DNAH14: variants seen among roughly 807,000 people sequenced by gnomAD.
DNAH14 encodes the protein dynein axonemal heavy chain 14, also known as axonemal beta dynein heavy chain 14.
A neutral mutation model predicts 520.9 loss-of-function variants in DNAH14; 478 were observed. The ratio of observed to expected loss-of-function variants is 0.92; its 90% CI spans 0.85 to 0.99. The LOEUF (loss-of-function observed/expected upper bound fraction) is 0.99. Ranked by LOEUF, DNAH14 falls within the 50% of genes least tolerant of loss-of-function variation. The pLI, the probability that DNAH14 is intolerant of heterozygous loss-of-function variation, is 0.00. For missense variants in DNAH14, 4,831 were observed against 5,234.5 expected (o/e 0.92, Z 2.38); for synonymous variants, 1,581 against 1,757.2 (o/e 0.90, Z 2.51).
Position 225,002,884 on chromosome 1 carries a change from A to G in DNAH14, c.932A>G (p.Tyr311Cys), listed in dbSNP as rs2147806835. The change falls in exon 9 of 86, where the codon TAT (tyrosine) becomes TGT (cysteine). Residue 311 changes from tyrosine to cysteine, a missense_variant. Physicochemically the swap from Tyr to Cys is radical, Grantham distance 194 (BLOSUM62 -2). Coordinates refer to ENST00000682510, the MANE Select transcript of DNAH14 (RefSeq NM_001367479.1). ...GAAGATGCAATTAATCTCAAAAATT[A>G]TAATGACCATGAAAATAATCTATCT... ...LCEDAINLKNYNDHENNLSAI... is the reference protein window; with the variant it reads ...LCEDAINLKNCNDHENNLSAI... 3.2e-6 allele frequency: 5 copies of G among 1,549,616 alleles called. No homozygotes were observed. In the East Asian group the frequency reaches 9.8e-5, roughly 30 times the overall value.
chr1:225,313,800 G>C lies in DNAH14; in HGVS notation c.9241-4783G>C, dbSNP rs185737781. ...TTCTAGTTTGATGGCACTGTGGTCT[G>C]AGAGACTGTTTGTTATGATTTCCAT... is the stretch of plus-strand genomic sequence containing the variant. On this transcript the variant is annotated intron_variant, in intron 60 of 85. Transcript: ENST00000682510. 3.8e-3 allele frequency among the ~76,000 whole-genome samples: 585 copies of C among 152,332 alleles called. 6 individuals carry two copies. The highest frequency in any genetic ancestry group is 0.012 in the African/African-American group (507 of 41,566).
At position 225,240,662 on chromosome 1, in the gene DNAH14, GT is replaced by G. The variant is rs1189546075; in HGVS notation, c.6591del (p.Phe2197LeufsTer11). 6 of 1,550,612 alleles carry G rather than the reference GT, an allele frequency of 3.9e-6. No homozygotes were observed. The highest frequency in any genetic ancestry group is 5.2e-6 in the Non-Finnish European group (6 of 1,146,420). Reference protein sequence around the residue: ...LTKIIQKLFVFAFTWAFGGAL... With the variant: ...LTKIIQKLFVXAFTWAFGGAL... ...CAAAAATTATTCAAAAGCTTTTTGT[GT>G]TTGCCTTTACTTGGGCATTTGGAGG... On this transcript the variant is annotated frameshift_variant, in exon 43 of 86. Coordinates refer to ENST00000682510, the MANE Select transcript of DNAH14 (RefSeq NM_001367479.1). LOFTEE classifies it high-confidence loss of function.
At position 225,020,513 on chromosome 1, in the gene DNAH14, A is replaced by AAC. The variant is rs1553385539; in HGVS notation, c.1108-3101_1108-3100insCA. ...CTCTGTCTCAAAAAAAAAAAAAAAAAAAACAACTCAAAGGCTACTATAAAC... is the reference window on the plus strand; with the variant it reads ...CTCTGTCTCAAAAAAAAAAAAAAAAAACAAACAACTCAAAGGCTACTATAAAC... On this transcript the variant is annotated intron_variant, in intron 10 of 85. Transcript: ENST00000682510. 3.5e-4 allele frequency among the ~76,000 whole-genome samples: 52 copies of AAC among 148,098 alleles called. 2 individuals are homozygous for AAC. Among genetic ancestry groups the AAC allele is most frequent in the African/African-American group, 1.2e-3 (47 of 39,362 alleles).
chr1:225,062,773 C>T (rs1203960677), intron 17 of DNAH14, among the ~76,000 whole-genome samples: 1 of 152,172 alleles, frequency 6.6e-6, no homozygotes, highest in African/African-American at 2.4e-5. Flanking sequence ...AGCTAACTAT[C>T]CCTAAAGGAA....
chr1:225,124,074 C>A (rs763158691), intron 27 of DNAH14, among the ~76,000 whole-genome samples: 12 of 152,056 alleles, frequency 7.9e-5, no homozygotes, highest in African/African-American at 2.7e-4. Context: ...GTTAACTGTA[C>A]AATAGAGTTC....
intron 43 of DNAH14, 103 bp downstream of exon 43, chr1:225,240,925 T>C: frequency 1.1e-6 from 1 of 923,870 alleles, no homozygotes; most frequent in Admixed American, 2.9e-5. Context: ...AATGTTAAGA[T>C]TGAAGGAAAA....
intron 55 of DNAH14, among the ~76,000 whole-genome samples, chr1:225,295,694 G>A (rs563922244): frequency 1.8e-4 from 27 of 152,250 alleles, no homozygotes; most frequent in South Asian, 1.2e-3. Context: ...AGAATGTTCC[G>A]TGTGCTAATG....
At chr1:225,179,835 A>C (rs992446097) in intron 36 of DNAH14, among the ~76,000 whole-genome samples, 1 of 152,136 alleles carries the variant, frequency 6.6e-6, no homozygotes, top group African/African-American at 2.4e-5. Context: ...CATGTCTGAG[A>C]AAGTTTTTAA....
intron 23 of DNAH14, among the ~76,000 whole-genome samples, chr1:225,105,371 G>T (rs964134836): frequency 6.6e-6 from 1 of 152,146 alleles, no homozygotes; most frequent in African/African-American, 2.4e-5. Flanking sequence ...TGTTGATTTG[G>T]GGTGGAGAGT....
At chr1:225,210,618 G>C (rs1047839180) in intron 41 of DNAH14, among the ~76,000 whole-genome samples, 2 of 152,230 alleles carry the variant, frequency 1.3e-5, no homozygotes, top group Non-Finnish European at 2.9e-5. Context: ...TCTCAGAAGA[G>C]AGCAGTGGCT....
intron 41 of DNAH14, among the ~76,000 whole-genome samples, chr1:225,218,500 G>T (rs2089678821): frequency 6.7e-6 from 1 of 149,922 alleles, no homozygotes; most frequent in South Asian, 2.1e-4. Flanking sequence ...AAAAAAAGCA[G>T]GGGTTGCAAT....
At chr1:225,257,462 G>C (rs1170550287) in intron 44 of DNAH14, among the ~76,000 whole-genome samples, 1 of 152,114 alleles carries the variant, frequency 6.6e-6, no homozygotes, top group Admixed American at 6.5e-5. Context: ...ACTATATTGT[G>C]ACATGATTAC....
intron 9 of DNAH14, among the ~76,000 whole-genome samples, chr1:225,004,782 G>GC (rs1307460198): frequency 6.6e-6 from 1 of 152,152 alleles, no homozygotes; most frequent in Non-Finnish European, 1.5e-5. Context: ...GTTATGCATA[G>GC]CCCAGGGATG....
At chr1:225,115,560 A>G (rs1229050193) in intron 23 of DNAH14, among the ~76,000 whole-genome samples, 1 of 152,176 alleles carries the variant, frequency 6.6e-6, no homozygotes, top group Non-Finnish European at 1.5e-5. Context: ...GAGCCCTCCA[A>G]AACAACTATA....
chr1:225,350,780 G>T lies in DNAH14; in HGVS notation c.11297-867G>T, dbSNP rs138100948. 5.7e-3 allele frequency among the ~76,000 whole-genome samples: 872 copies of T among 151,804 alleles called. 8 individuals are homozygous for T. The highest frequency in any genetic ancestry group is 0.02 in the African/African-American group (833 of 41,402). ...TGCCAAAAAAAAAAGAAAATTTTAG[G>T]ACCAGATGGCTTCATTGAATTCTAC... On this transcript the variant is annotated intron_variant, in intron 71 of 85. Transcript: ENST00000682510.
At position 225,301,033 on chromosome 1, in the gene DNAH14, A is replaced by G; in HGVS notation, c.8631+3A>G. 6.5e-7 allele frequency: 1 copy of G among 1,546,910 alleles called. No homozygotes were observed. The highest frequency in any genetic ancestry group is 2.5e-5 in the East Asian group (1 of 40,770). On this transcript the variant is annotated splice_donor_region_variant and intron_variant, in intron 56 of 85. Coordinates refer to ENST00000682510, the MANE Select transcript of DNAH14 (RefSeq NM_001367479.1). ...CTTTACTTTCATTCTTTCAAAAGGT[A>G]CTTTTTTGTGACTTGGCTTTATCAA...
At chr1:225,028,273 G>T (rs571456227) in intron 11 of DNAH14, among the ~76,000 whole-genome samples, 3 of 151,030 alleles carry the variant, frequency 2.0e-5, no homozygotes, top group Non-Finnish European at 3.0e-5. Context: ...TGTGTGTGTG[G>T]GATGTATTAA....
chr1:225,346,397 T>A lies in DNAH14; in HGVS notation c.11097+17T>A. 6.5e-7 allele frequency: 1 copy of A among 1,527,278 alleles called. No homozygotes were observed. Among genetic ancestry groups the A allele is most frequent in the Non-Finnish European group, 8.8e-7 (1 of 1,138,642 alleles). 94.6% of individuals were successfully genotyped at this position (1,527,278 alleles called of 1,614,324 possible). On this transcript the variant is annotated intron_variant, in intron 70 of 85. Coordinates refer to ENST00000682510, the MANE Select transcript of DNAH14 (RefSeq NM_001367479.1). The stretch of plus-strand genomic sequence containing the variant: ...ATTTTTAAGGTGAGATATTCTTTAG[T>A]GTGAATTTTACATGCTTATTTAATC...
intron 41 of DNAH14, among the ~76,000 whole-genome samples, chr1:225,223,861 G>T (rs565717603): frequency 3.4e-4 from 52 of 152,236 alleles, no homozygotes; most frequent in Non-Finnish European, 3.5e-4. Flanking sequence ...AAGTAGAAAA[G>T]AATTTCCTAA....
Sources: allele counts gnomAD v4.1 joint callset (sites outside exome capture counted in the v4.1 genomes callset), GRCh38; gene constraint gnomAD v4.1.1; transcripts MANE v1.5; gene names NCBI Gene and HGNC (gene_info 2026-07-23, HGNC 2026-07-21).